SLC35A3: variants seen among roughly 807,000 people sequenced by gnomAD.
SLC35A3 encodes the protein solute carrier family 35 member A3.
SLC35A3 carries 26 observed loss-of-function variants against 39.0 expected under a neutral mutation model. The observed-to-expected ratio is 0.67, with a 90% CI of 0.49 to 0.92. SLC35A3 has a LOEUF of 0.92. SLC35A3 is among the 40% of genes least tolerant of loss of function. The pLI is 0.00. For missense variants in SLC35A3, 299 were observed against 371.6 expected (o/e 0.80, Z 1.61); for synonymous variants, 135 against 133.1 (o/e 1.01, Z -0.10).
intron 2 of SLC35A3, among the ~76,000 whole-genome samples, chr1:99,996,672 G>T (rs1658415715): frequency 6.6e-6 from 1 of 152,024 alleles, no homozygotes; most frequent in African/African-American, 2.4e-5. Context: ...CAGGAGTTGG[G>T]ATCTAGCCTG....
chr1:99,998,985 A>G (rs1658580648), intron 2 of SLC35A3, among the ~76,000 whole-genome samples: 2 of 152,294 alleles, frequency 1.3e-5, no homozygotes, highest in South Asian at 4.1e-4. Context: ...GCTGTCATAA[A>G]TATGTGTTTG....
intron 5 of SLC35A3, among the ~76,000 whole-genome samples, chr1:100,013,045 C>G (rs1197003904): frequency 6.6e-6 from 1 of 152,088 alleles, no homozygotes; most frequent in Non-Finnish European, 1.5e-5. Context: ...TTGTTACATG[C>G]TGATACATAC....
chr1:100,019,480 T>G (rs1056080651), intron 7 of SLC35A3, among the ~76,000 whole-genome samples: 2 of 152,234 alleles, frequency 1.3e-5, no homozygotes, highest in African/African-American at 4.8e-5. Flanking sequence ...TTTCCTAAAA[T>G]AGGTAACTAA....
intron 5 of SLC35A3, among the ~76,000 whole-genome samples, chr1:100,012,155 G>A (rs772903010): frequency 2.0e-5 from 3 of 151,888 alleles, no homozygotes; most frequent in Admixed American, 6.6e-5. Context: ...ATGGTGGCGC[G>A]CACCTGTAAT....
chr1:100,017,036 G>A (rs1189288010), intron 6 of SLC35A3, among the ~76,000 whole-genome samples: 1 of 152,206 alleles, frequency 6.6e-6, no homozygotes, highest in African/African-American at 2.4e-5. Flanking sequence ...GAAAGTTGTT[G>A]CAGTAGGTAA....
chr1:100,016,640 T>C (rs1660156332), intron 6 of SLC35A3, among the ~76,000 whole-genome samples: 1 of 152,154 alleles, frequency 6.6e-6, no homozygotes, highest in Non-Finnish European at 1.5e-5. Flanking sequence ...CCCAAAGTGC[T>C]GGGATTACAG....
In SLC35A3 at chr1:100,017,650, G is replaced by A. The variant is rs113556260; in HGVS notation, c.754-32G>A. 32 of 1,422,768 alleles carry A rather than the reference G, an allele frequency of 2.2e-5. 1 individual carries two copies. In the African/African-American group the frequency reaches 3.0e-4, roughly 13 times the overall value. 88.1% of individuals were successfully genotyped at this position (1,422,768 alleles called of 1,614,324 possible). ...TGTTTTGAAATGCAGTTTTACATGTGTGTTTTAAAAAATATTTTTTTAAAA... is the reference window on the plus strand; with the variant it reads ...TGTTTTGAAATGCAGTTTTACATGTATGTTTTAAAAAATATTTTTTTAAAA... On this transcript the variant is annotated intron_variant, in intron 6 of 7. Transcript: ENST00000533028.
intron 3 of SLC35A3, among the ~76,000 whole-genome samples, chr1:100,003,584 A>G (rs927591179): frequency 2.6e-5 from 4 of 152,204 alleles, no homozygotes; most frequent in Admixed American, 2.6e-4. Context: ...AAGCATGTGC[A>G]TTCTGCAACT....
At position 100,026,216 on chromosome 1, in the gene SLC35A3, G is replaced by GT. The variant is rs1660904714; in HGVS notation, c.*3746dup. 1 of 152,036 alleles carries GT rather than the reference G, an allele frequency of 6.6e-6. No homozygotes were observed. Among genetic ancestry groups the GT allele is most frequent in the Non-Finnish European group, 1.5e-5 (1 of 67,970 alleles). 9.4% of individuals were successfully genotyped at this position (152,036 alleles called of 1,614,324 possible). The stretch of plus-strand genomic sequence containing the variant: ...TTGTATAGTCATTAAACTGAGTTGG[G>GT]TTTTTTCTTAAAGGGTTTAGCATCA... On this transcript the variant is annotated 3_prime_UTR_variant, in exon 8 of 8. Transcript: ENST00000533028.
intron 2 of SLC35A3, among the ~76,000 whole-genome samples, chr1:99,995,160 C>CTTTCTTTCT (rs1557831359): frequency 2.7e-5 from 2 of 73,064 alleles, no homozygotes; most frequent in Non-Finnish European, 6.0e-5. Flanking sequence ...TTCTTTCTTT[C>CTTTCTTTCT]TTTTTTTTTC....
intron 2 of SLC35A3, among the ~76,000 whole-genome samples, chr1:99,994,604 A>G (rs1264407390): frequency 6.6e-6 from 1 of 152,180 alleles, no homozygotes; most frequent in Admixed American, 6.5e-5. Flanking sequence ...TCACGTTGTA[A>G]CATGCATCAG....
chr1:99,970,361 G>T, intron 1 of SLC35A3, 199 bp downstream of exon 1: 1 of 592,990 alleles, frequency 1.7e-6, no homozygotes, highest in Non-Finnish European at 3.0e-6. Context: ...GAGGTGACAC[G>T]TTGTAACTCC....
intron 3 of SLC35A3, among the ~76,000 whole-genome samples, chr1:100,004,232 C>T (rs1253890231): frequency 6.6e-6 from 1 of 152,062 alleles, no homozygotes; most frequent in Non-Finnish European, 1.5e-5. Context: ...TCTGGTTTTC[C>T]AGTGAGTTTT....
rs1428027124 is a variant in SLC35A3 at position 100,023,605 on chromosome 1, C to G, written c.*1129C>G. On this transcript the variant is annotated 3_prime_UTR_variant, in exon 8 of 8. Transcript: ENST00000533028. ...TTTAAACAGCGCTATGACTTTAAAT[C>G]CAAGGCTGCTCGGAAGATTTTTTTA... The G allele has an allele frequency of 6.6e-6, 1 of 152,204 alleles. No individual in the cohort carries two copies. The highest frequency in any genetic ancestry group is 1.5e-5 in the Non-Finnish European group (1 of 68,026). 9.4% of individuals were successfully genotyped at this position (152,204 alleles called of 1,614,324 possible). A position where few individuals can be genotyped will look rare whatever the true frequency, so the allele number is the denominator to read the frequency against.
At chr1:99,989,578 C>A (rs536327841) in intron 1 of SLC35A3, among the ~76,000 whole-genome samples, 7 of 152,294 alleles carry the variant, frequency 4.6e-5, no homozygotes, top group Admixed American at 3.3e-4. Context: ...GCCACCGTGC[C>A]TGGCTGGTAA....
intron 3 of SLC35A3, among the ~76,000 whole-genome samples, chr1:100,003,848 G>C (rs1449761252): frequency 6.6e-6 from 1 of 152,066 alleles, no homozygotes; most frequent in Non-Finnish European, 1.5e-5. Flanking sequence ...TAGTGTTGTT[G>C]AATTGATCCC....
chr1:100,020,426 G>T (rs1291057323), intron 7 of SLC35A3, among the ~76,000 whole-genome samples: 1 of 152,152 alleles, frequency 6.6e-6, no homozygotes, highest in Non-Finnish European at 1.5e-5. Context: ...AGTTCATAAT[G>T]ACTAAGGAAG....
At chr1:100,015,218 A>G in intron 5 of SLC35A3, 84 bp from the exon 6 acceptor site, 1 of 1,259,066 alleles carries the variant, frequency 7.9e-7, no homozygotes, top group Non-Finnish European at 1.0e-6. Flanking sequence ...AGTTAAGTGT[A>G]AAATTATTTG....
chr1:100,027,349 G>T lies in SLC35A3; in HGVS notation c.*4873G>T, dbSNP rs1287002501. On this transcript the variant is annotated 3_prime_UTR_variant, in exon 8 of 8. Transcript: ENST00000533028. ...CACCTGTGGGGCCAGCTACTCAGGAGGCTGAGGCAGAAGGATTGCTTGAGC... is the reference window on the plus strand; with the variant it reads ...CACCTGTGGGGCCAGCTACTCAGGATGCTGAGGCAGAAGGATTGCTTGAGC... The T allele has an allele frequency of 5.1e-6, 2 of 391,408 alleles. No homozygotes were observed. The highest frequency in any genetic ancestry group is 9.0e-6 in the Non-Finnish European group (2 of 222,098). The allele number at this position is 391,408 out of a possible 1,614,324, so 24.2% of individuals were successfully genotyped here. A position where few individuals can be genotyped will look rare whatever the true frequency, so the allele number is the denominator to read the frequency against.
Sources: gnomAD v4.1 joint callset for allele counts (sites outside exome capture counted in the v4.1 genomes callset) on GRCh38, gnomAD v4.1.1 for gene constraint, MANE v1.5 for transcripts, NCBI Gene and HGNC (gene_info 2026-07-23, HGNC 2026-07-21) for gene names.